The following PRKG1 variants were observed in gnomAD, a reference collection of about 807,000 sequenced individuals.
PRKG1 encodes protein kinase cGMP-dependent 1.
PRKG1 carries 35 observed loss-of-function variants against 88.1 expected under a neutral mutation model. The observed-to-expected ratio is 0.40, with a 90% confidence interval of 0.30 to 0.53. PRKG1 has a LOEUF of 0.53. PRKG1 is among the 20% of genes least tolerant of loss of function. The pLI is 0.59. For synonymous variants in PRKG1, 303 were observed against 292.5 expected, an observed-to-expected ratio of 1.04 and a Z score of -0.37; for missense variants, 540 against 839.8, an observed-to-expected ratio of 0.64 and a Z score of 4.41.
chr10:51,537,262 A>G (rs1297715795), intron 3 of PRKG1, among the ~76,000 whole-genome samples: 4 of 152,200 alleles, frequency 2.6e-5, no homozygotes, highest in South Asian at 2.1e-4. Flanking sequence ...AATGTCTTGC[A>G]TAGCATCTAA....
chr10:51,534,824 T>C (rs926551624), intron 3 of PRKG1, among the ~76,000 whole-genome samples: 1 of 152,172 alleles, frequency 6.6e-6, no homozygotes, highest in East Asian at 1.9e-4. Context: ...TCTAGGAGGA[T>C]TGGTGAAATA....
At chr10:51,813,524 C>T (rs1009692635) in intron 4 of PRKG1, among the ~76,000 whole-genome samples, 1 of 152,134 alleles carries the variant, frequency 6.6e-6, no homozygotes, top group Non-Finnish European at 1.5e-5. Context: ...TTATTCTCAA[C>T]AAAAATTCGT....
At chr10:51,310,923 T>A (rs183294528) in intron 2 of PRKG1, among the ~76,000 whole-genome samples, 39 of 152,320 alleles carry the variant, frequency 2.6e-4, no homozygotes, top group Admixed American at 9.2e-4. Context: ...GTGATCAGGT[T>A]TCATTCTGGA....
chr10:51,550,593 G>T (rs1837103552), intron 3 of PRKG1, among the ~76,000 whole-genome samples: 1 of 151,844 alleles, frequency 6.6e-6, no homozygotes, highest in African/African-American at 2.4e-5. Flanking sequence ...TGTTATTAAT[G>T]TAAATAATAC....
At chr10:51,841,214 T>G (rs763352553) in intron 4 of PRKG1, among the ~76,000 whole-genome samples, 1 of 152,174 alleles carries the variant, frequency 6.6e-6, no homozygotes, top group Non-Finnish European at 1.5e-5. Context: ...CACTTAAGAG[T>G]GATTCCTGTG....
intron 2 of PRKG1, among the ~76,000 whole-genome samples, chr10:51,448,325 G>C (rs1839334227): frequency 6.6e-6 from 1 of 151,992 alleles, no homozygotes; most frequent in African/African-American, 2.4e-5. Flanking sequence ...CCATCAAGTA[G>C]GGATTTTTGT....
chr10:51,642,948 G>A (rs1426588177), intron 3 of PRKG1, among the ~76,000 whole-genome samples: 1 of 152,138 alleles, frequency 6.6e-6, no homozygotes, highest in Non-Finnish European at 1.5e-5. Context: ...TAAAACTAAA[G>A]TAATCCACGT....
intron 5 of PRKG1, among the ~76,000 whole-genome samples, chr10:51,916,751 C>G (rs1245303823): frequency 6.6e-6 from 1 of 152,074 alleles, no homozygotes; most frequent in African/African-American, 2.4e-5. Flanking sequence ...TCATGATATT[C>G]AAAAAGTGCA....
chr10:51,827,711 C>T (rs988411069), intron 4 of PRKG1, among the ~76,000 whole-genome samples: 3 of 152,094 alleles, frequency 2.0e-5, no homozygotes, highest in African/African-American at 7.2e-5. Flanking sequence ...ATGTCTTTCA[C>T]TGCCCTTTAC....
At chr10:51,393,599 A>G (rs183336189) in intron 2 of PRKG1, among the ~76,000 whole-genome samples, 42 of 152,332 alleles carry the variant, frequency 2.8e-4, no homozygotes, top group African/African-American at 9.4e-4. Flanking sequence ...GAATGTGATG[A>G]TCATTAACAC....
chr10:52,059,601 G>A (rs905594322), intron 6 of PRKG1, among the ~76,000 whole-genome samples: 4 of 151,862 alleles, frequency 2.6e-5, no homozygotes, highest in African/African-American at 9.7e-5. Flanking sequence ...GTTTGATGCA[G>A]AACAGACTAT....
At chr10:52,008,587 C>T (rs919253194) in intron 5 of PRKG1, among the ~76,000 whole-genome samples, 1 of 152,014 alleles carries the variant, frequency 6.6e-6, no homozygotes, top group Non-Finnish European at 1.5e-5. Context: ...GAAATTAAAT[C>T]CCTGAACAGA....
Position 51,767,511 on chromosome 10 carries a change from A to G in PRKG1, c.593-37074A>G, listed in dbSNP as rs144500738. Among the ~76,000 whole-genome samples the G allele has an allele frequency of 3.4e-4, 52 of 152,296 alleles. 2 individuals are homozygous for G. In the East Asian group the frequency reaches 9.8e-3, roughly 29 times the overall value. On this transcript the variant is annotated intron_variant, in intron 3 of 17. Transcript: ENST00000373980. ...AATGATTGCTTTCTCTACCTTATGT[A>G]CATATGCTGGGGGAAAAGGTTTCAA...
chr10:51,673,239 T>C (rs1175789781), intron 3 of PRKG1, among the ~76,000 whole-genome samples: 3 of 151,946 alleles, frequency 2.0e-5, no homozygotes. Context: ...ATATGAAAGG[T>C]GGTGACAAGT....
chr10:52,009,916 TG>T (rs1487893570), intron 5 of PRKG1, among the ~76,000 whole-genome samples: 1 of 152,056 alleles, frequency 6.6e-6, no homozygotes, highest in Non-Finnish European at 1.5e-5. Flanking sequence ...AAACAAGCAA[TG>T]GGGAAAGGAC....
intron 4 of PRKG1, among the ~76,000 whole-genome samples, chr10:51,830,560 G>GTTTTTTTTTTTTTT (rs531412645): frequency 1.2e-3 from 104 of 83,604 alleles, no homozygotes; most frequent in Non-Finnish European, 1.7e-3. Flanking sequence ...TTTTTTTTTT[G>GTTTTTTTTTTTTTT]TTTTTTTTTT....
chr10:51,006,358 A>C (rs1564568465), intron 1 of PRKG1, among the ~76,000 whole-genome samples: 3 of 152,232 alleles, frequency 2.0e-5, no homozygotes, highest in Admixed American at 6.5e-5. Context: ...AAGGTTGTTG[A>C]GAGGATTAAA....
intron 3 of PRKG1, among the ~76,000 whole-genome samples, chr10:51,565,330 T>G (rs7342143): frequency 0.21 from 32,037 of 152,006 alleles, 4,803 homozygotes; most frequent in African/African-American, 0.43. Context: ...CTGATGAGCA[T>G]ATACCCCTCT....
intron 5 of PRKG1, among the ~76,000 whole-genome samples, chr10:52,053,176 T>C (rs1846031170): frequency 6.6e-6 from 1 of 152,120 alleles, no homozygotes; most frequent in Admixed American, 6.6e-5. Context: ...AGTGTACATA[T>C]CAGACTGTAT....
Sources: allele counts gnomAD v4.1 joint callset (sites outside exome capture counted in the v4.1 genomes callset), GRCh38; gene constraint gnomAD v4.1.1; transcripts MANE v1.5; gene names NCBI Gene and HGNC (gene_info 2026-07-23, HGNC 2026-07-21).